NID1: variants seen among roughly 807,000 people sequenced by gnomAD.
NID1 encodes the protein nidogen 1, also known as nidogen-1.
Under a neutral mutation model 130.6 loss-of-function variants are expected in NID1, and 76 were observed. The ratio of observed to expected loss-of-function variants is 0.58; its 90% CI spans 0.48 to 0.70. NID1 has a LOEUF of 0.70. NID1 is among the 30% of genes least tolerant of loss of function. NID1 has a pLI of 0.00. For synonymous variants in NID1, 665 were observed against 675.1 expected (o/e 0.98, Z 0.23); for missense variants, 1,517 against 1,664.8 (o/e 0.91, Z 1.54).
chr1:236,049,998 T>C (rs1659716980), intron 1 of NID1, among the ~76,000 whole-genome samples: 1 of 149,172 alleles, frequency 6.7e-6, no homozygotes, highest in African/African-American at 2.5e-5. Context: ...ATTGCACCAC[T>C]GCATTCCAGC....
intron 2 of NID1, 61 bp from the exon 3 acceptor site, chr1:236,045,744 T>A: frequency 7.7e-7 from 1 of 1,298,782 alleles, no homozygotes; most frequent in Non-Finnish European, 1.1e-6. Flanking sequence ...TAAAATGTGT[T>A]ATTCGCCAGA....
rs1416951606 is a variant in NID1 at position 236,041,975 on chromosome 1, A to G, written c.1070T>C (p.Val357Ala). 6.2e-7 allele frequency: 1 copy of G among 1,613,902 alleles called. No homozygotes were observed. The change falls in exon 4 of 20, where the codon GTG becomes GCG. Residue 357 changes from valine (V) to alanine (A), a missense_variant. Coordinates refer to ENST00000264187, the MANE Select transcript of NID1 (RefSeq NM_002508.3). ...AGGGTGCTGCTGGTGAAAAGTCTCCACTGCCAACTGGAAAGACCTGGTTCT... is the reference window on the plus strand; with the variant it reads ...AGGGTGCTGCTGGTGAAAAGTCTCCGCTGCCAACTGGAAAGACCTGGTTCT... The part of the protein sequence containing the change: ...TERTRSFQLA[V>A]ETFHQQHPQV...
intron 9 of NID1, among the ~76,000 whole-genome samples, chr1:236,022,020 AGAGCGTTGC>A (rs1658780437): frequency 1.3e-5 from 2 of 152,204 alleles, no homozygotes; most frequent in Non-Finnish European, 2.9e-5. Flanking sequence ...CTACAAGAAA[AGAGCGTTGC>A]GAGGCCAAGG....
chr1:235,978,909 G>A (rs573321383), intron 19 of NID1, 86 bp downstream of exon 19: 1 of 857,104 alleles, frequency 1.2e-6, no homozygotes, highest in East Asian at 2.4e-5. Flanking sequence ...AAGGCTACTA[G>A]TGGCCATACG....
intron 10 of NID1, among the ~76,000 whole-genome samples, chr1:236,016,124 C>T (rs555698088): frequency 5.9e-5 from 9 of 151,298 alleles, no homozygotes; most frequent in African/African-American, 2.2e-4. Context: ...GAAATCAGGT[C>T]AAATACACAG....
Position 235,977,719 on chromosome 1 carries a change from A to G in NID1, c.*148T>C. The G allele has an allele frequency of 1.2e-6, 1 of 816,344 alleles. No homozygotes were observed. The highest frequency in any genetic ancestry group is 1.7e-5 in the African/African-American group (1 of 58,438). The allele number at this position is 816,344 out of a possible 1,614,324, so 50.6% of individuals were successfully genotyped here. A position where few individuals can be genotyped will look rare whatever the true frequency, so the allele number is the denominator to read the frequency against. On this transcript the variant is annotated 3_prime_UTR_variant, in exon 20 of 20. Transcript: ENST00000264187. ...GTCCAGGGTGCATGTTTTGGGGAAC[A>G]GTGAGGGAAAAGTTGTTGGGGCTCA...
intron 9 of NID1, among the ~76,000 whole-genome samples, chr1:236,023,601 TG>T (rs1279456191): frequency 2.0e-5 from 3 of 151,900 alleles, no homozygotes; most frequent in African/African-American, 7.3e-5. Context: ...AGTGTTAAAA[TG>T]GTATATTTTA....
rs1558428613 is a variant in NID1, at chr1:236,003,104, ACT to A, written c.2527+8815_2527+8816del. 4.1e-3 allele frequency among the ~76,000 whole-genome samples: 611 copies of A among 148,530 alleles called. 38 individuals are homozygous for A. The highest frequency in any genetic ancestry group is 0.017 in the South Asian group (79 of 4,640). ...TGGTAGTTGTCACTCCTAGTGAACG[ACT>A]GGTAGTTGTCACTCCTAGTGAACGA... On this transcript the variant is annotated intron_variant, in intron 12 of 19. Transcript: ENST00000264187.
chr1:235,978,331 A>G (rs1180464249), intron 19 of NID1, among the ~76,000 whole-genome samples: 1 of 152,106 alleles, frequency 6.6e-6, no homozygotes, highest in Non-Finnish European at 1.5e-5. Flanking sequence ...TGTAGCTTGC[A>G]CTCCTAGCTT....
chr1:236,062,956 C>A (rs1308982957), intron 1 of NID1, among the ~76,000 whole-genome samples: 8 of 150,272 alleles, frequency 5.3e-5, no homozygotes, highest in African/African-American at 2.0e-4. Context: ...GAGTTCAAGA[C>A]CAGCCTGGTC....
At chr1:236,059,962 T>C (rs1659995894) in intron 1 of NID1, among the ~76,000 whole-genome samples, 1 of 151,912 alleles carries the variant, frequency 6.6e-6, no homozygotes, top group Admixed American at 6.6e-5. Context: ...TAGCTGGGCG[T>C]GTTGGCATGT....
rs144985473 is a variant in NID1 at position 236,047,813 on chromosome 1, G to A, written c.525+877C>T. On this transcript the variant is annotated intron_variant, in intron 2 of 19. Transcript: ENST00000264187. ...AGGCTGAGGTGGGTGGATCATTTGA[G>A]GTCAGCAGTTGGAGACCAGCCTGGC... 7.5e-3 allele frequency among the ~76,000 whole-genome samples: 1,114 copies of A among 148,310 alleles called. 8 individuals carry two copies. The highest frequency in any genetic ancestry group is 0.027 in the African/African-American group (1,070 of 40,080).
intron 9 of NID1, among the ~76,000 whole-genome samples, chr1:236,021,522 T>C (rs1399940936): frequency 6.6e-6 from 1 of 152,190 alleles, no homozygotes; most frequent in East Asian, 1.9e-4. Context: ...CTAACCTTCA[T>C]GTTACATCAG....
In NID1 at chr1:236,029,670, T is replaced by C. The variant is rs1659040895; in HGVS notation, c.1618A>G (p.Ile540Val). Residue 540 changes from isoleucine to valine, a missense_variant, in exon 7 of 20, where the codon ATC (isoleucine) becomes GTC (valine). Coordinates refer to ENST00000264187, the MANE Select transcript of NID1 (RefSeq NM_002508.3). ...NLVIKQRFSG[I>V]DEHGHLTIDT... is the part of the protein sequence containing the mutation. ...ATGGTCAGGTGCCCATGCTCATCGA[T>C]GCCGCTGAACCGCTGCTTAATGACC... 3 of 1,614,000 alleles carry C rather than the reference T, an allele frequency of 1.9e-6. No individual in the cohort carries two copies. The highest frequency in any genetic ancestry group is 1.3e-5 in the African/African-American group (1 of 75,050).
chr1:236,015,149 G>A (rs1208790949), intron 10 of NID1, among the ~76,000 whole-genome samples: 1 of 152,114 alleles, frequency 6.6e-6, no homozygotes. Context: ...TGACCTGCAG[G>A]GTAACCTTCC....
At chr1:235,982,656 T>C (rs1046444924) in intron 15 of NID1, among the ~76,000 whole-genome samples, 2 of 152,178 alleles carry the variant, frequency 1.3e-5, no homozygotes, top group African/African-American at 4.8e-5. Context: ...CATCTAACTT[T>C]ACTGGAAGCT....
At chr1:236,027,058 A>G (rs1210072046) in intron 7 of NID1, among the ~76,000 whole-genome samples, 1 of 152,034 alleles carries the variant, frequency 6.6e-6, no homozygotes, top group African/African-American at 2.4e-5. Context: ...GGTGATTTCT[A>G]CATACCGGTC....
Position 236,029,656 on chromosome 1 carries a change from C to T in NID1, c.1632G>A (p.Gly544=), listed in dbSNP as rs1283974763. The change falls in exon 7 of 20, where the codon GGG becomes GGA. Residue 544 remains glycine, a synonymous_variant. Coordinates refer to ENST00000264187, the MANE Select transcript of NID1 (RefSeq NM_002508.3). ...KQRFSGIDEH[G]HLTIDTELEG... is the part of the protein sequence containing the mutation. ...CCAGCTCCGTGTCGATGGTCAGGTG[C>T]CCATGCTCATCGATGCCGCTGAACC... is the stretch of plus-strand genomic sequence containing the variant. The T allele has an allele frequency of 9.3e-6, 15 of 1,613,598 alleles. No homozygotes were observed. The Admixed American group carries it at 2.3e-4, about 25-fold the overall frequency.
intron 1 of NID1, among the ~76,000 whole-genome samples, chr1:236,058,028 G>A (rs1659943316): frequency 6.6e-6 from 1 of 152,168 alleles, no homozygotes; most frequent in African/African-American, 2.4e-5. Context: ...CTCATGGGGT[G>A]AATGCATTTC....
Sources: allele counts gnomAD v4.1 joint callset (sites outside exome capture counted in the v4.1 genomes callset), GRCh38; gene constraint gnomAD v4.1.1; transcripts MANE v1.5; gene names NCBI Gene and HGNC (gene_info 2026-07-23, HGNC 2026-07-21).